The following RREB1 variants were observed in gnomAD, a reference collection of about 807,000 sequenced individuals.
RREB1 encodes the protein ras responsive element binding protein 1.
In RREB1, 27 loss-of-function variants were observed where a neutral mutation model predicts 117.8. The ratio of observed to expected loss-of-function variants is 0.23; its 90% confidence interval spans 0.17 to 0.32. The LOEUF is 0.32. Ranked by LOEUF, RREB1 falls within the 10% of genes least tolerant of loss-of-function variation. The pLI is 1.00. For synonymous variants in RREB1, 1,298 were observed against 1,026.7 expected (o/e 1.26, Z -5.05); for missense variants, 2,577 against 2,378.2 (o/e 1.08, Z -1.74).
intron 8 of RREB1, among the ~76,000 whole-genome samples, chr6:7,220,839 G>A (rs1767206706): frequency 6.6e-6 from 1 of 152,208 alleles, no homozygotes; most frequent in Non-Finnish European, 1.5e-5. Context: ...TGAGGAGAGA[G>A]TCGTGGGGAC....
chr6:7,230,302 G>A lies in RREB1; in HGVS notation c.2203G>A (p.Glu735Lys), dbSNP rs1767847610. 1 of 1,592,238 alleles carries A rather than the reference G, an allele frequency of 6.3e-7. No homozygotes were observed. Among genetic ancestry groups the A allele is most frequent in the Non-Finnish European group, 8.5e-7 (1 of 1,174,746 alleles). ...CCGCAAGGATATCGAGAAGAACATC[G>A]AGTATGTGAGTAGCAGCGCGGCCGA... ...ATRKDIEKNIEYVSSSAAELV... is the reference protein window; with the variant it reads ...ATRKDIEKNIKYVSSSAAELV... Residue 735 changes from glutamate (E) to lysine (K), a missense_variant, in exon 10 of 13, where the codon GAG becomes AAG. Coordinates refer to ENST00000379938, the MANE Select transcript of RREB1 (RefSeq NM_001003699.4).
At chr6:7,158,662 C>T (rs1273392745) in intron 1 of RREB1, among the ~76,000 whole-genome samples, 1 of 152,184 alleles carries the variant, frequency 6.6e-6, no homozygotes, top group African/African-American at 2.4e-5. Flanking sequence ...TCTTACCTTC[C>T]CAAGCTTTCT....
At chr6:7,204,159 T>C (rs1437762153) in intron 6 of RREB1, among the ~76,000 whole-genome samples, 2 of 152,196 alleles carry the variant, frequency 1.3e-5, no homozygotes, top group Non-Finnish European at 2.9e-5. Context: ...CTAACCTTCC[T>C]CCACACCCTG....
chr6:7,137,715 G>C (rs566563099), intron 1 of RREB1, among the ~76,000 whole-genome samples: 2 of 152,044 alleles, frequency 1.3e-5, no homozygotes, highest in Admixed American at 1.3e-4. Flanking sequence ...CGTGAGAGTC[G>C]TGTCTCTCTC....
At chr6:7,242,887 C>T (rs1286599971) in intron 11 of RREB1, among the ~76,000 whole-genome samples, 3 of 152,130 alleles carry the variant, frequency 2.0e-5, no homozygotes, top group South Asian at 2.1e-4. Flanking sequence ...CTTAAAGGTC[C>T]ATTTTGAATA....
intron 8 of RREB1, among the ~76,000 whole-genome samples, chr6:7,223,155 G>A (rs1767363481): frequency 2.6e-5 from 4 of 151,786 alleles, no homozygotes; most frequent in Admixed American, 2.0e-4. Context: ...ATGAAGGGAG[G>A]CTGAGGTGGG....
At chr6:7,111,655 T>C (rs1401573354) in intron 1 of RREB1, among the ~76,000 whole-genome samples, 2 of 152,242 alleles carry the variant, frequency 1.3e-5, no homozygotes, top group Admixed American at 1.3e-4. Flanking sequence ...GGTAGGATGT[T>C]AAAGTTTGTT....
intron 1 of RREB1, among the ~76,000 whole-genome samples, chr6:7,116,971 T>TTAG (rs1761426552): frequency 6.6e-6 from 1 of 152,160 alleles, no homozygotes; most frequent in South Asian, 2.1e-4. Flanking sequence ...TTTTCTCTGC[T>TTAG]TAGTTAGAGT....
chr6:7,156,505 C>T (rs1003695153), intron 1 of RREB1, among the ~76,000 whole-genome samples: 2 of 152,186 alleles, frequency 1.3e-5, no homozygotes, highest in African/African-American at 4.8e-5. Context: ...GTGGCTCTCC[C>T]AGCCACCTTC....
chr6:7,187,599 C>T, intron 5 of RREB1, 76 bp downstream of exon 5: 6 of 567,712 alleles, frequency 1.1e-5, no homozygotes, highest in Non-Finnish European at 1.5e-5. Context: ...TAGTCAAGTG[C>T]AGTAATGAGA....
At chr6:7,236,093 C>T (rs2113144625) in intron 10 of RREB1, among the ~76,000 whole-genome samples, 2 of 152,270 alleles carry the variant, frequency 1.3e-5, no homozygotes, top group Middle Eastern at 6.8e-3. Flanking sequence ...AAACGCGCCA[C>T]TCCATAGGAG....
intron 6 of RREB1, among the ~76,000 whole-genome samples, chr6:7,197,008 C>T (rs968590699): frequency 1.3e-5 from 2 of 152,162 alleles, no homozygotes; most frequent in African/African-American, 2.4e-5. Flanking sequence ...GAGTGGTGCT[C>T]GTCTTCCAAA....
At chr6:7,108,144 A>C (rs1760918483) in intron 1 of RREB1, 84 bp downstream of exon 1, 1 of 151,984 alleles carries the variant, frequency 6.6e-6, no homozygotes, top group Non-Finnish European at 1.5e-5. Context: ...CCTTTTAAAG[A>C]ACTTTGGGGA....
chr6:7,231,058 G>A lies in RREB1; in HGVS notation c.2959G>A (p.Gly987Arg), dbSNP rs536248098. Reference sequence around the variant, plus strand: ...TCTTCCTGTAACTTTGGGGCCCAGCGGAATCCTGGAAAGCCCCATGGCCCC... The same window carrying A: ...TCTTCCTGTAACTTTGGGGCCCAGCAGAATCCTGGAAAGCCCCATGGCCCC... The part of the protein sequence containing the change: ...PSLPVTLGPS[G>R]ILESPMAPAP... Residue 987 changes from glycine (G) to arginine (R), a missense_variant, in exon 10 of 13, where the codon GGA (glycine) becomes AGA (arginine). Gly to Arg is a moderately radical substitution (Grantham distance 125). Transcript: ENST00000379938. The A allele has an allele frequency of 1.2e-5, 19 of 1,613,764 alleles. 1 individual carries two copies. The highest frequency in any genetic ancestry group is 9.9e-5 in the South Asian group (9 of 91,082).
chr6:7,158,011 G>A (rs1451251939), intron 1 of RREB1, among the ~76,000 whole-genome samples: 1 of 152,002 alleles, frequency 6.6e-6, no homozygotes. Flanking sequence ...ATCATCAGCC[G>A]GCTCATGCCT....
At chr6:7,189,969 T>C (rs1214390422) in intron 6 of RREB1, among the ~76,000 whole-genome samples, 1 of 152,204 alleles carries the variant, frequency 6.6e-6, no homozygotes. Context: ...TACTTTTCCA[T>C]ATTCCTGTCC....
chr6:7,146,869 TTGTC>T lies in RREB1; in HGVS notation c.-284-29783_-284-29780del, dbSNP rs540803177. On this transcript the variant is annotated intron_variant, in intron 1 of 12. Transcript: ENST00000379938. ...GTTGGAAGATGTTTCTGATTCTAGTTTGTCTGGCACTCTGAAAGCTAAGGAACTG... is the reference window on the plus strand; with the variant it reads ...GTTGGAAGATGTTTCTGATTCTAGTTTGGCACTCTGAAAGCTAAGGAACTG... 4.1e-3 allele frequency among the ~76,000 whole-genome samples: 627 copies of T among 152,236 alleles called. 1 individual carries two copies. The highest frequency in any genetic ancestry group is 6.3e-3 in the Non-Finnish European group (426 of 68,006).
At chr6:7,109,243 C>T (rs1420927984) in intron 1 of RREB1, among the ~76,000 whole-genome samples, 1 of 151,828 alleles carries the variant, frequency 6.6e-6, no homozygotes, top group Non-Finnish European at 1.5e-5. Context: ...GGGAGGGGGC[C>T]TGTTGCTGCC....
In RREB1 at chr6:7,246,652, G is replaced by A. The variant is rs1769059894; in HGVS notation, c.4202G>A (p.Gly1401Glu). The A allele has an allele frequency of 1.3e-6, 2 of 1,576,024 alleles. No individual in the cohort carries two copies. Among genetic ancestry groups the A allele is most frequent in the South Asian group, 1.2e-5 (1 of 85,882 alleles). The change falls in exon 12 of 13, where the codon GGG (glycine) becomes GAG (glutamate). Residue 1401 changes from glycine (G) to glutamate (E), a missense_variant. Physicochemically the swap from Gly to Glu is moderately conservative, Grantham distance 98. Coordinates refer to ENST00000379938, the MANE Select transcript of RREB1 (RefSeq NM_001003699.4). ...EEEHGTEEST[G>E]DADGAEEDAS... ...GAGCATGGCACTGAGGAGAGCACTG[G>A]GGACGCCGACGGCGCGGAAGAGGAC... is the stretch of plus-strand genomic sequence containing the variant.
Sources: allele counts gnomAD v4.1 joint callset (sites outside exome capture counted in the v4.1 genomes callset), GRCh38; gene constraint gnomAD v4.1.1; transcripts MANE v1.5; gene names NCBI Gene and HGNC (gene_info 2026-07-23, HGNC 2026-07-21).